Variants in DBT observed in about 807,000 individuals in gnomAD.
The protein encoded by DBT is lipoamide acyltransferase component of branched-chain alpha-keto acid dehydrogenase complex, mitochondrial.
DBT carries 40 observed loss-of-function variants against 51.3 expected under a neutral mutation model. The ratio of observed to expected loss-of-function variants is 0.78; its 90% CI spans 0.61 to 1.02. DBT has a LOEUF of 1.02. DBT is among the 50% of genes least tolerant of loss of function. The pLI is 0.00. For synonymous variants in DBT, 181 were observed against 190.4 expected, an observed-to-expected ratio of 0.95 and a Z score of 0.41; for missense variants, 510 against 580.2, an observed-to-expected ratio of 0.88 and a Z score of 1.24.
chr1:100,206,470 G>T lies in DBT; in HGVS notation c.1184C>A (p.Thr395Lys). ...QLSTTDLTGG[T>K]FTLSNIGSIG... ...TGATCCAATGTTGGAAAGAGTAAAT[G>T]TTCCTCCTGTAAGATCAGTGGTGCT... Residue 395 changes from threonine to lysine, a missense_variant, in exon 9 of 11, where the codon ACA (threonine) becomes AAA (lysine). Transcript: ENST00000370132. The T allele has an allele frequency of 6.2e-7, 1 of 1,613,668 alleles. No individual in the cohort carries two copies. The highest frequency in any genetic ancestry group is 8.5e-7 in the Non-Finnish European group (1 of 1,179,624).
intron 4 of DBT, among the ~76,000 whole-genome samples, chr1:100,222,459 C>G (rs1325795167): frequency 6.6e-6 from 1 of 152,156 alleles, no homozygotes; most frequent in Non-Finnish European, 1.5e-5. Context: ...ACTAAATTAT[C>G]AGTGTAACAA....
intron 1 of DBT, among the ~76,000 whole-genome samples, chr1:100,243,451 A>T (rs1370071514): frequency 6.6e-6 from 1 of 151,618 alleles, no homozygotes; most frequent in Admixed American, 6.6e-5. Context: ...AGTAGCTGGG[A>T]CTACAGGCAT....
rs1249785464 is a variant in DBT, at chr1:100,213,547, G to C, written c.939+1270C>G. On this transcript the variant is annotated intron_variant, in intron 7 of 10. Transcript: ENST00000370132. The stretch of plus-strand genomic sequence containing the variant: ...GCTGTCCCGTCTGCAGGGTCGGGGG[G>C]CTGCAGGACTGCTTCACCTTCCTGG... The C allele has an allele frequency of 7.0e-6, 11 of 1,564,000 alleles. No homozygotes were observed. The Admixed American group carries it at 1.3e-4, about 19-fold the overall frequency.
chr1:100,240,692 T>A, intron 2 of DBT, 69 bp downstream of exon 2: 2 of 1,286,926 alleles, frequency 1.6e-6, no homozygotes, highest in Non-Finnish European at 2.2e-6. Flanking sequence ...CTCAATCAAC[T>A]ACTAAAAAAT....
chr1:100,210,540 A>G, intron 8 of DBT, 154 bp downstream of exon 8: 1 of 1,039,044 alleles, frequency 9.6e-7, no homozygotes, highest in South Asian at 1.7e-5. Context: ...AACAACAACA[A>G]TGAATTAGAC....
intron 2 of DBT, among the ~76,000 whole-genome samples, chr1:100,239,181 G>T (rs968879405): frequency 4.6e-5 from 7 of 152,130 alleles, no homozygotes; most frequent in Admixed American, 3.9e-4. Flanking sequence ...ATTCTCACAA[G>T]AATACAATTA....
At chr1:100,238,317 G>GCTTCC (rs1467679768) in intron 2 of DBT, among the ~76,000 whole-genome samples, 2 of 64,510 alleles carry the variant, frequency 3.1e-5, no homozygotes, top group Non-Finnish European at 6.7e-5. Context: ...TAGGTTTCTA[G>GCTTCC]CTTCCCTCCC....
chr1:100,202,323 A>C (rs866449784), intron 10 of DBT, among the ~76,000 whole-genome samples: 2 of 152,254 alleles, frequency 1.3e-5, no homozygotes, highest in African/African-American at 4.8e-5. Flanking sequence ...AGGGCATTAC[A>C]TAATGGTAAA....
intron 4 of DBT, among the ~76,000 whole-genome samples, chr1:100,227,649 A>T (rs540607762): frequency 4.6e-5 from 7 of 152,310 alleles, no homozygotes; most frequent in African/African-American, 1.7e-4. Context: ...ACTCCACAAT[A>T]GAGGGGTAAG....
At chr1:100,225,052 TACACACACACACACACACAC>T (rs71084808) in intron 4 of DBT, among the ~76,000 whole-genome samples, 77 of 79,048 alleles carry the variant, frequency 9.7e-4, no homozygotes, top group Non-Finnish European at 1.4e-3. Flanking sequence ...AATATATATA[TACACACACACACACACACAC>T]ACACACACAC....
Position 100,187,763 on chromosome 1 carries a change from T to C in DBT, c.*8492A>G, listed in dbSNP as rs985604588. 2.6e-5 allele frequency: 4 copies of C among 152,074 alleles called. No homozygotes were observed. The highest frequency in any genetic ancestry group is 5.9e-5 in the Non-Finnish European group (4 of 67,990). The allele number at this position is 152,074 out of a possible 1,614,324, so 9.4% of individuals were successfully genotyped here. On this transcript the variant is annotated 3_prime_UTR_variant, in exon 11 of 11. Coordinates refer to ENST00000370132, the MANE Select transcript of DBT (RefSeq NM_001918.5). ...TGTTGCCCATGTGGGATATTTTGTA[T>C]ACATTTCAAAAGGCAACTACAAAAA... is the stretch of plus-strand genomic sequence containing the variant.
chr1:100,240,619 AT>A (rs1225915094), intron 2 of DBT, 141 bp downstream of exon 2: 39 of 717,210 alleles, frequency 5.4e-5, no homozygotes. Context: ...AACTGGAAAA[AT>A]GTGGGGAGAT....
chr1:100,234,410 A>G lies in DBT; in HGVS notation c.251+1026T>C, dbSNP rs576709336. Among the ~76,000 whole-genome samples the G allele has an allele frequency of 3.9e-5, 6 of 152,116 alleles. No homozygotes were observed. The East Asian group carries it at 1.2e-3, about 29-fold the overall frequency. ...CAACACTTCGGAAGGCCCAGGTGGG[A>G]AGATCACTTGAGGCCAAGAGTTCAA... On this transcript the variant is annotated intron_variant, in intron 3 of 10. Coordinates refer to ENST00000370132, the MANE Select transcript of DBT (RefSeq NM_001918.5).
intron 4 of DBT, among the ~76,000 whole-genome samples, chr1:100,224,894 C>T (rs1375585517): frequency 6.6e-6 from 1 of 151,086 alleles, no homozygotes; most frequent in African/African-American, 2.4e-5. Context: ...GCACGCCTGC[C>T]TGTAATCCCA....
At chr1:100,218,416 T>C (rs968209437) in intron 5 of DBT, among the ~76,000 whole-genome samples, 14 of 152,192 alleles carry the variant, frequency 9.2e-5, no homozygotes, top group Non-Finnish European at 1.5e-4. Flanking sequence ...AATAATAAAA[T>C]CATACTGCTC....
At chr1:100,246,256 CAA>C (rs1316514755) in intron 1 of DBT, among the ~76,000 whole-genome samples, 1 of 151,088 alleles carries the variant, frequency 6.6e-6, no homozygotes, top group South Asian at 2.1e-4. Context: ...GACGCCGTCT[CAA>C]AAAAAATAAA....
rs1660826137 is a variant in DBT at position 100,191,830 on chromosome 1, G to GT, written c.*4424_*4425insA. 3.3e-5 allele frequency: 5 copies of GT among 151,746 alleles called. No individual in the cohort carries two copies. The highest frequency in any genetic ancestry group is 4.4e-5 in the Non-Finnish European group (3 of 68,456). 9.4% of individuals were successfully genotyped at this position (151,746 alleles called of 1,614,324 possible). A position where few individuals can be genotyped will look rare whatever the true frequency, so the allele number is the denominator to read the frequency against. Reference sequence around the variant, plus strand: ...CACAGAGTCTTGCTCTGTCGCCCAGGCTGGAGCGCAATGGCACAATCTCAG... The same window carrying GT: ...CACAGAGTCTTGCTCTGTCGCCCAGGTCTGGAGCGCAATGGCACAATCTCAG... On this transcript the variant is annotated 3_prime_UTR_variant, in exon 11 of 11. Transcript: ENST00000370132.
intron 2 of DBT, 54 bp from the exon 3 acceptor site, chr1:100,235,565 T>A: frequency 1.1e-6 from 1 of 936,656 alleles, no homozygotes; most frequent in Admixed American, 1.8e-5. Flanking sequence ...ATTACTAATA[T>A]ATACTTTCAC....
intron 10 of DBT, among the ~76,000 whole-genome samples, chr1:100,205,937 G>T (rs1661753508): frequency 6.6e-6 from 1 of 152,038 alleles, no homozygotes; most frequent in African/African-American, 2.4e-5. Flanking sequence ...TGGGGTCTGG[G>T]GCTAGGGGAG....
Sources: allele counts gnomAD v4.1 joint callset (sites outside exome capture counted in the v4.1 genomes callset), GRCh38; gene constraint gnomAD v4.1.1; transcripts MANE v1.5; gene names NCBI Gene and HGNC (gene_info 2026-07-23, HGNC 2026-07-21).